Variants in LAD1 observed in about 807,000 individuals in gnomAD.
LAD1 encodes the protein ladinin-1.
LAD1 carries 53 observed loss-of-function variants against 54.2 expected under a neutral mutation model. That is an observed-to-expected ratio of 0.98 (90% CI 0.78 to 1.23). The LOEUF (loss-of-function observed/expected upper bound fraction) is 1.23. Among genes scored for constraint, LAD1 ranks in the 50% most tolerant of loss-of-function variants. The pLI is 0.00. For synonymous variants in LAD1, 231 were observed against 257.7 expected, an observed-to-expected ratio of 0.90 and a Z score of 0.99; for missense variants, 637 against 653.3, an observed-to-expected ratio of 0.98 and a Z score of 0.27.
chr1:201,382,581 G>A, intron 8 of LAD1, 72 bp downstream of exon 8: 1 of 1,267,592 alleles, frequency 7.9e-7, no homozygotes, highest in African/African-American at 1.6e-5. Flanking sequence ...TCTCCCGACT[G>A]TCCCTCCTCT....
At chr1:201,383,686 A>T (rs1328949861) in intron 5 of LAD1, 3 of 418,840 alleles carry the variant, frequency 7.2e-6, no homozygotes, top group Admixed American at 3.6e-5. Flanking sequence ...CGTCTTCCCC[A>T]TCACAGCAAT....
intron 1 of LAD1, among the ~76,000 whole-genome samples, chr1:201,396,576 A>G (rs983642091): frequency 3.3e-5 from 5 of 152,222 alleles, no homozygotes; most frequent in Non-Finnish European, 7.3e-5. Flanking sequence ...ATTAAGGCTC[A>G]GCTGCCCTGC....
In LAD1 at chr1:201,386,370, T is replaced by C. The variant is rs1275821065; in HGVS notation, c.991A>G (p.Thr331Ala). 6.7e-7 allele frequency: 1 copy of C among 1,503,488 alleles called. No homozygotes were observed. The highest frequency in any genetic ancestry group is 8.9e-7 in the Non-Finnish European group (1 of 1,128,854). The allele number at this position is 1,503,488 out of a possible 1,614,324, so 93.1% of individuals were successfully genotyped here. Residue 331 changes from threonine to alanine, a missense_variant, in exon 3 of 10, where the codon ACT becomes GCT. Thr to Ala is a moderately conservative substitution (Grantham distance 58). Coordinates refer to ENST00000391967, the MANE Select transcript of LAD1 (RefSeq NM_005558.4). ...ACGGGTGGGAGGCGGGAGGCCACAGTCGGAGGGTCTGAAGCCCCCTGCTTT... is the reference window on the plus strand; with the variant it reads ...ACGGGTGGGAGGCGGGAGGCCACAGCCGGAGGGTCTGAAGCCCCCTGCTTT... ...LAKQGASDPPTVASRLPPVTL... is the reference protein window; with the variant it reads ...LAKQGASDPPAVASRLPPVTL...
rs1471910388 is a variant in LAD1, at chr1:201,381,513, G to A, written c.*375C>T. 5 of 324,000 alleles carry A rather than the reference G, an allele frequency of 1.5e-5. No homozygotes were observed. The highest frequency in any genetic ancestry group is 8.8e-5 in the South Asian group (3 of 34,214). 20.1% of individuals were successfully genotyped at this position (324,000 alleles called of 1,614,324 possible). A position where few individuals can be genotyped will look rare whatever the true frequency, so the allele number is the denominator to read the frequency against. On this transcript the variant is annotated 3_prime_UTR_variant, in exon 10 of 10. Transcript: ENST00000391967. ...GCACTTGCTGGGAGCCGATGAGACA[G>A]GTGACTCTGGAGTTCTTGAGGGGCG...
At position 201,383,080 on chromosome 1, in the gene LAD1, G is replaced by A; in HGVS notation, c.1380C>T (p.Ser460=). 1 of 1,611,976 alleles carries A rather than the reference G, an allele frequency of 6.2e-7. No homozygotes were observed. Among genetic ancestry groups the A allele is most frequent in the Non-Finnish European group, 8.5e-7 (1 of 1,178,468 alleles). The stretch of plus-strand genomic sequence containing the variant: ...TGGGGCCTGAGCCCCTCACCTTCCG[G>A]CTGGAGGCTGGTTCTGCTCGGCTCT... The part of the protein sequence containing the change: ...AGQSRAEPAS[S]RKENLRLSGV... The change falls in exon 7 of 10, where the codon AGC becomes AGT. Residue 460 remains serine, a synonymous_variant. Coordinates refer to ENST00000391967, the MANE Select transcript of LAD1 (RefSeq NM_005558.4).
In LAD1 at chr1:201,386,839, T is replaced by C; in HGVS notation, c.522A>G (p.Pro174=). 6.2e-7 allele frequency: 1 copy of C among 1,613,792 alleles called. No individual in the cohort carries two copies. The part of the protein sequence containing the change: ...REPEERKKGV[P]EKSPVLEKSS... Reference sequence around the variant, plus strand: ...ACTTCTCCAAGACTGGGGACTTTTCTGGAACCCCTTTCTTCCTCTCTTCTG... The same window carrying C: ...ACTTCTCCAAGACTGGGGACTTTTCCGGAACCCCTTTCTTCCTCTCTTCTG... The change falls in exon 3 of 10, where the codon CCA becomes CCG. Residue 174 remains proline (P), a synonymous_variant. Coordinates refer to ENST00000391967, the MANE Select transcript of LAD1 (RefSeq NM_005558.4).
At chr1:201,386,236 G>A (rs1662080734) in intron 3 of LAD1, 99 bp downstream of exon 3, 6 of 1,206,292 alleles carry the variant, frequency 5.0e-6, no homozygotes, top group East Asian at 2.7e-5. Flanking sequence ...GTAGGAGGAT[G>A]GAGGCAGCCA....
chr1:201,384,873 C>T, intron 4 of LAD1, 38 bp from the exon 5 acceptor site: 5 of 1,609,778 alleles, frequency 3.1e-6, no homozygotes, highest in Non-Finnish European at 4.2e-6. Context: ...TGTGGGAGTC[C>T]CCGGGAAATC....
At chr1:201,395,634 T>C (rs1428680455) in intron 1 of LAD1, among the ~76,000 whole-genome samples, 1 of 152,108 alleles carries the variant, frequency 6.6e-6, no homozygotes, top group African/African-American at 2.4e-5. Context: ...GGCGGGCGCC[T>C]GTAATCCCAG....
chr1:201,397,928 CT>C (rs1247858692), intron 1 of LAD1, among the ~76,000 whole-genome samples: 1 of 152,212 alleles, frequency 6.6e-6, no homozygotes, highest in Middle Eastern at 3.2e-3. Context: ...AGTCCAAGAC[CT>C]TGACTCCTCA....
intron 1 of LAD1, among the ~76,000 whole-genome samples, chr1:201,389,778 T>C (rs1662166157): frequency 6.6e-6 from 1 of 151,950 alleles, no homozygotes; most frequent in African/African-American, 2.4e-5. Context: ...GTCGAGATTG[T>C]GTCACTGCAC....
chr1:201,386,485 C>T lies in LAD1; in HGVS notation c.876G>A (p.Ala292=), dbSNP rs141677759. Residue 292 remains alanine (A), a synonymous_variant, in exon 3 of 10, where the codon GCG becomes GCA. Coordinates refer to ENST00000391967, the MANE Select transcript of LAD1 (RefSeq NM_005558.4). ...TTCCCCCAGAGGCTGGCGGCTCCTG[C>T]GCCAGGGGCTGCTCTGAGGCTGTGG... is the stretch of plus-strand genomic sequence containing the variant. ...KRATASEQPL[A]QEPPASGGSP... is the part of the protein sequence containing the mutation. 225 of 1,557,240 alleles carry T rather than the reference C, an allele frequency of 1.4e-4. 3 individuals are homozygous for T. Among genetic ancestry groups the T allele is most frequent in the South Asian group, 1.0e-3 (81 of 79,890 alleles).
chr1:201,393,390 G>T (rs1413240154), intron 1 of LAD1, among the ~76,000 whole-genome samples: 2 of 152,290 alleles, frequency 1.3e-5, no homozygotes, highest in Non-Finnish European at 1.5e-5. Context: ...GCTGGTGGGG[G>T]TAAATGGAAA....
chr1:201,385,272 TC>T (rs1662050523), intron 4 of LAD1, among the ~76,000 whole-genome samples: 1 of 152,212 alleles, frequency 6.6e-6, no homozygotes, highest in South Asian at 2.1e-4. Flanking sequence ...AGACGAGATT[TC>T]CCCAATCCAC....
At chr1:201,391,100 G>A (rs1051999260) in intron 1 of LAD1, 6 of 456,388 alleles carry the variant, frequency 1.3e-5, no homozygotes, top group Non-Finnish European at 2.2e-5. Flanking sequence ...CTCCAATATC[G>A]CCTTCCTTTC....
Position 201,386,418 on chromosome 1 carries a change from C to T in LAD1, c.943G>A (p.Gly315Arg). 4 of 1,527,608 alleles carry T rather than the reference C, an allele frequency of 2.6e-6. No individual in the cohort carries two copies. Among genetic ancestry groups the T allele is most frequent in the Non-Finnish European group, 3.5e-6 (4 of 1,142,566 alleles). 94.6% of individuals were successfully genotyped at this position (1,527,608 alleles called of 1,614,324 possible). A position where few individuals can be genotyped will look rare whatever the true frequency, so the allele number is the denominator to read the frequency against. The part of the protein sequence containing the change: ...TKEQRGRALP[G>R]KNLPSLAKQG... ...TTTGCCAAAGAGGGCAGGTTCTTCC[C>T]AGGGAGGGCCCTTCCTCTCTGCTCC... Residue 315 changes from glycine to arginine, a missense_variant, in exon 3 of 10, where the codon GGG becomes AGG. By Grantham distance (125) the Gly-to-Arg change is moderately radical (BLOSUM62 -2). Coordinates refer to ENST00000391967, the MANE Select transcript of LAD1 (RefSeq NM_005558.4).
chr1:201,391,128 G>C (rs902249947), intron 1 of LAD1: 1 of 456,534 alleles, frequency 2.2e-6, no homozygotes, highest in Non-Finnish European at 4.4e-6. Context: ...AGGGGCTCTT[G>C]GAGCCTCCCT....
At chr1:201,393,010 G>A (rs113415126) in intron 1 of LAD1, among the ~76,000 whole-genome samples, 1 of 152,154 alleles carries the variant, frequency 6.6e-6, no homozygotes, top group Admixed American at 6.5e-5. Flanking sequence ...GAGAGGAAAA[G>A]AGAAAAATCA....
At chr1:201,392,233 T>A (rs1316472364) in intron 1 of LAD1, among the ~76,000 whole-genome samples, 3 of 152,224 alleles carry the variant, frequency 2.0e-5, no homozygotes, top group Non-Finnish European at 4.4e-5. Context: ...ATCCCCTGGA[T>A]TGAGCCAATA....
Sources: gnomAD v4.1 joint callset for allele counts (sites outside exome capture counted in the v4.1 genomes callset) on GRCh38, gnomAD v4.1.1 for gene constraint, MANE v1.5 for transcripts, NCBI Gene and HGNC (gene_info 2026-07-23, HGNC 2026-07-21) for gene names.